The following C12orf42 variants were observed in gnomAD, a reference collection of about 807,000 sequenced individuals.
C12orf42 encodes uncharacterized protein C12orf42.
A neutral mutation model predicts 21.6 loss-of-function variants in C12orf42; 25 were observed. That is an observed-to-expected ratio of 1.16 (90% CI 0.84 to 1.62). C12orf42 has a LOEUF of 1.62. Ranked by LOEUF, C12orf42 falls within the 40% of genes most tolerant of loss-of-function variation. C12orf42 has a pLI of 0.00. For missense variants in C12orf42, 483 were observed against 459.3 expected (o/e 1.05, Z -0.47); for synonymous variants, 174 against 175.0 (o/e 0.99, Z 0.05).
the C12orf42 span, among the ~76,000 whole-genome samples, chr12:103,118,772 TAAAAAA>T: frequency 1.4e-4 from 6 of 41,656 alleles, no homozygotes; most frequent in East Asian, 4.4e-3. Flanking sequence ...CACTCCAGCC[TAAAAAA>T]AAAAAAAAAA....
At chr12:103,203,057 G>A in the C12orf42 span, among the ~76,000 whole-genome samples, 2 of 152,214 alleles carry the variant, frequency 1.3e-5, no homozygotes, top group South Asian at 4.2e-4. Context: ...GCAACTTCAG[G>A]CTCTCCCAGA....
the C12orf42 span, among the ~76,000 whole-genome samples, chr12:103,088,222 AATTCTAGAAGGTTC>A: frequency 6.6e-6 from 1 of 152,204 alleles, no homozygotes; most frequent in African/African-American, 2.4e-5. Context: ...AAGATGGCTG[AATTCTAGAAGGTTC>A]ATTCTAGATA....
intron 1 of C12orf42, among the ~76,000 whole-genome samples, chr12:103,491,788 T>C (rs1194716366): frequency 6.6e-6 from 1 of 152,208 alleles, no homozygotes; most frequent in Non-Finnish European, 1.5e-5. Flanking sequence ...ATCTTTATCA[T>C]GGAGCCCTTT....
chr12:103,373,048 G>C (rs556434724), intron 3 of C12orf42, among the ~76,000 whole-genome samples: 1 of 152,162 alleles, frequency 6.6e-6, no homozygotes, highest in Non-Finnish European at 1.5e-5. Context: ...TTGGGCAGGG[G>C]AGATGGGTAC....
intron 2 of C12orf42, among the ~76,000 whole-genome samples, chr12:103,462,078 TG>T (rs1201488595): frequency 2.0e-5 from 3 of 148,516 alleles, no homozygotes; most frequent in African/African-American, 7.4e-5. Flanking sequence ...TTTCCATTTT[TG>T]TTTTGTTTTT....
chr12:103,130,316 T>C, the C12orf42 span, among the ~76,000 whole-genome samples: 1 of 150,918 alleles, frequency 6.6e-6, no homozygotes, highest in African/African-American at 2.4e-5. Flanking sequence ...GCCAAGTTGG[T>C]CTGCCTTCAG....
intron 2 of C12orf42, among the ~76,000 whole-genome samples, chr12:103,404,449 A>G (rs1048541450): frequency 2.0e-5 from 3 of 152,232 alleles, no homozygotes; most frequent in East Asian, 1.9e-4. Flanking sequence ...TTCATTAACA[A>G]TCATTTGTGT....
At chr12:103,507,248 A>AAATATATAATATATATATT in the C12orf42 span, among the ~76,000 whole-genome samples, 5 of 53,628 alleles carry the variant, frequency 9.3e-5, no homozygotes, top group African/African-American at 6.1e-4. Flanking sequence ...TATTATATAT[A>AAATATATAATATATATATT]ATATATAAAT....
At chr12:103,244,762 C>T (rs1224717238) in intron 10 of C12orf42, among the ~76,000 whole-genome samples, 1 of 151,948 alleles carries the variant, frequency 6.6e-6, no homozygotes, top group Non-Finnish European at 1.5e-5. Context: ...TTTCTCACTT[C>T]CTTCCTGAGC....
chr12:103,196,673 A>T, the C12orf42 span, among the ~76,000 whole-genome samples: 1 of 151,854 alleles, frequency 6.6e-6, no homozygotes, highest in African/African-American at 2.4e-5. Context: ...ATTACGCAAT[A>T]CCCTTATTTG....
chr12:103,138,775 C>T, the C12orf42 span, among the ~76,000 whole-genome samples: 9 of 152,156 alleles, frequency 5.9e-5, no homozygotes, highest in South Asian at 6.2e-4. Flanking sequence ...AGCCACTTCA[C>T]GCTCCACTTT....
intron 1 of C12orf42, among the ~76,000 whole-genome samples, chr12:103,488,012 T>C (rs946070387): frequency 6.6e-6 from 1 of 152,202 alleles, no homozygotes; most frequent in Non-Finnish European, 1.5e-5. Flanking sequence ...TGTTAGCTGG[T>C]TATTTTGCCC....
At chr12:103,142,135 G>A in the C12orf42 span, among the ~76,000 whole-genome samples, 1 of 152,142 alleles carries the variant, frequency 6.6e-6, no homozygotes, top group South Asian at 2.1e-4. Flanking sequence ...TAAAGGATGT[G>A]ATTATCAAGT....
chr12:103,243,737 T>G (rs1407311462), intron 10 of C12orf42, among the ~76,000 whole-genome samples: 1 of 152,154 alleles, frequency 6.6e-6, no homozygotes, highest in Non-Finnish European at 1.5e-5. Flanking sequence ...ATGCTCAGAT[T>G]TATCCCTTTT....
At chr12:103,364,454 CA>C (rs1176202634) in intron 4 of C12orf42, among the ~76,000 whole-genome samples, 1 of 151,622 alleles carries the variant, frequency 6.6e-6, no homozygotes, top group East Asian at 1.9e-4. Flanking sequence ...AAGAACAAAC[CA>C]AACCCAAACC....
At chr12:103,083,346 A>C in the C12orf42 span, among the ~76,000 whole-genome samples, 136 of 152,294 alleles carry the variant, frequency 8.9e-4, no homozygotes, top group African/African-American at 3.1e-3. Context: ...CCTGGGCGAC[A>C]GAGTAAGACT....
intron 4 of C12orf42, among the ~76,000 whole-genome samples, chr12:103,287,860 G>A (rs1485992048): frequency 6.6e-6 from 1 of 152,084 alleles, no homozygotes; most frequent in Non-Finnish European, 1.5e-5. Context: ...TCACTGGAGT[G>A]AAAGTTTTGT....
chr12:103,499,878 T>A (rs1183476108), upstream of C12orf42, among the ~76,000 whole-genome samples: 1 of 152,184 alleles, frequency 6.6e-6, no homozygotes, highest in African/African-American at 2.4e-5. Flanking sequence ...GGAAGAGCAG[T>A]TAGAATGCTA....
chr12:103,193,173 G>A, the C12orf42 span, among the ~76,000 whole-genome samples: 2 of 151,650 alleles, frequency 1.3e-5, no homozygotes, highest in African/African-American at 4.8e-5. Context: ...TAAAAAATTA[G>A]AAAATATCTT....
Sources: gnomAD v4.1 joint callset for allele counts (sites outside exome capture counted in the v4.1 genomes callset) on GRCh38, gnomAD v4.1.1 for gene constraint, MANE v1.5 for transcripts, NCBI Gene and HGNC (gene_info 2026-07-23, HGNC 2026-07-21) for gene names.